The following GADL1 variants were observed in gnomAD, a reference collection of about 807,000 sequenced individuals.
GADL1 encodes the protein acidic amino acid decarboxylase GADL1.
In GADL1, 71 loss-of-function variants were observed where a neutral mutation model predicts 69.5. The observed-to-expected ratio is 1.02, with a 90% CI of 0.84 to 1.25. GADL1 has a LOEUF of 1.25. Ranked by LOEUF, GADL1 falls within the 50% of genes most tolerant of loss-of-function variation. The probability of loss-of-function intolerance (pLI) is 0.00; values close to 1 mark genes in which losing one functional copy is unlikely to be tolerated. For synonymous variants in GADL1, 254 were observed against 214.4 expected (o/e 1.18, Z -1.62); for missense variants, 737 against 631.8 (o/e 1.17, Z -1.79).
chr3:30,756,451 A>C (rs919353477), intron 14 of GADL1, among the ~76,000 whole-genome samples: 1 of 152,180 alleles, frequency 6.6e-6, no homozygotes, highest in Non-Finnish European at 1.5e-5. Flanking sequence ...GGTACCAATT[A>C]TCCTTCTACC....
At chr3:30,741,112 G>GTATATATATA (rs67611024) in intron 14 of GADL1, among the ~76,000 whole-genome samples, 22 of 113,928 alleles carry the variant, frequency 1.9e-4, no homozygotes, top group South Asian at 8.2e-4. Context: ...TGTATTCCTA[G>GTATATATATA]TATATATATA....
At chr3:30,815,937 G>A (rs6793030) in intron 11 of GADL1, among the ~76,000 whole-genome samples, 22,898 of 152,026 alleles carry the variant, frequency 0.15, 1,834 homozygotes, top group Middle Eastern at 0.21. Flanking sequence ...CTTCATGGCC[G>A]TGAGCATGTT....
chr3:30,767,360 T>C (rs1696306011), intron 14 of GADL1, among the ~76,000 whole-genome samples: 1 of 152,178 alleles, frequency 6.6e-6, no homozygotes, highest in Non-Finnish European at 1.5e-5. Flanking sequence ...ATTAGCAGAT[T>C]TGAGAACCTA....
intron 14 of GADL1, among the ~76,000 whole-genome samples, chr3:30,746,358 C>T (rs1169924540): frequency 6.6e-6 from 1 of 152,172 alleles, no homozygotes; most frequent in Admixed American, 6.5e-5. Flanking sequence ...CCTACTGAGC[C>T]TCCAGTCTCT....
At chr3:30,785,287 C>CA (rs1696763825) in intron 13 of GADL1, among the ~76,000 whole-genome samples, 3 of 152,160 alleles carry the variant, frequency 2.0e-5, no homozygotes, top group African/African-American at 7.2e-5. Context: ...GGGACCTTTT[C>CA]TGTTTTCTAT....
chr3:30,816,259 T>C (rs1315578613), intron 11 of GADL1, among the ~76,000 whole-genome samples: 3 of 152,102 alleles, frequency 2.0e-5, no homozygotes, highest in Non-Finnish European at 4.4e-5. Context: ...AGTTGAGGCT[T>C]GAGCCTCAAC....
At chr3:30,882,476 A>G (rs966241085) in intron 1 of GADL1, among the ~76,000 whole-genome samples, 2 of 151,934 alleles carry the variant, frequency 1.3e-5, no homozygotes, top group Non-Finnish European at 1.5e-5. Flanking sequence ...AATGTGATGA[A>G]GGTTTATCTA....
intron 1 of GADL1, among the ~76,000 whole-genome samples, chr3:30,865,822 C>A (rs11923643): frequency 6.6e-6 from 1 of 151,834 alleles, no homozygotes; most frequent in Admixed American, 6.6e-5. Context: ...TAGAAGTCAG[C>A]GCACGGACCA....
chr3:30,800,880 G>A lies in GADL1; in HGVS notation c.1250+9C>T, dbSNP rs1559503681. ...AGAGAGAGAGAGAGAGAGAGAGAGA[G>A]GCTAGTACCTAGATAAAGCAAGAGC... On this transcript the variant is annotated intron_variant, in intron 12 of 14. Transcript: ENST00000282538. 1.3e-6 allele frequency: 2 copies of A among 1,487,052 alleles called. No individual in the cohort carries two copies. The highest frequency in any genetic ancestry group is 3.4e-5 in the Admixed American group (2 of 58,200). 92.1% of individuals were successfully genotyped at this position (1,487,052 alleles called of 1,614,324 possible). A position where few individuals can be genotyped will look rare whatever the true frequency, so the allele number is the denominator to read the frequency against.
intron 1 of GADL1, among the ~76,000 whole-genome samples, chr3:30,887,972 T>G (rs886344644): frequency 7.2e-5 from 11 of 152,206 alleles, no homozygotes; most frequent in African/African-American, 2.7e-4. Context: ...TCAAGTCCCT[T>G]ACGTGAAAGG....
At chr3:30,893,806 C>A (rs372436090) in intron 1 of GADL1, among the ~76,000 whole-genome samples, 2 of 152,254 alleles carry the variant, frequency 1.3e-5, no homozygotes, top group East Asian at 3.9e-4. Flanking sequence ...ACCTGACCTA[C>A]CTGTTGAGCA....
intron 14 of GADL1, among the ~76,000 whole-genome samples, chr3:30,739,015 TC>T (rs1695578186): frequency 6.6e-6 from 1 of 152,300 alleles, no homozygotes; most frequent in Admixed American, 6.5e-5. Flanking sequence ...CCAACGAGGC[TC>T]TTCTGGGCAT....
intron 11 of GADL1, among the ~76,000 whole-genome samples, chr3:30,816,481 C>CCAGATCTG: frequency 6.8e-6 from 1 of 147,792 alleles, no homozygotes; most frequent in South Asian, 2.2e-4. Context: ...ATGTCATTGT[C>CCAGATCTG]CAGATCTGAC....
intron 1 of GADL1, among the ~76,000 whole-genome samples, chr3:30,878,617 C>A (rs1698606578): frequency 6.6e-6 from 1 of 151,860 alleles, no homozygotes; most frequent in African/African-American, 2.4e-5. Flanking sequence ...TCACAGGACA[C>A]TCCACTCAGA....
chr3:30,764,087 AT>A (rs1304730925), intron 14 of GADL1, among the ~76,000 whole-genome samples: 1 of 152,200 alleles, frequency 6.6e-6, no homozygotes, highest in African/African-American at 2.4e-5. Flanking sequence ...AAGTTTTAAC[AT>A]TCATAAAAAT....
intron 1 of GADL1, among the ~76,000 whole-genome samples, chr3:30,891,370 T>C (rs568401496): frequency 6.6e-6 from 1 of 152,180 alleles, no homozygotes; most frequent in Non-Finnish European, 1.5e-5. Flanking sequence ...ACTGACAGCT[T>C]TTCTCCCCAT....
chr3:30,809,898 TTG>T (rs1333171613), intron 11 of GADL1, among the ~76,000 whole-genome samples: 5 of 152,216 alleles, frequency 3.3e-5, no homozygotes, highest in African/African-American at 1.2e-4. Context: ...TACATATTTT[TTG>T]TCTTATTTCA....
At chr3:30,873,217 G>A (rs1698517757) in intron 1 of GADL1, among the ~76,000 whole-genome samples, 1 of 151,926 alleles carries the variant, frequency 6.6e-6, no homozygotes, top group African/African-American at 2.4e-5. Flanking sequence ...AATAATAATG[G>A]TTAACATTTA....
chr3:30,764,521 C>T (rs1028109651), intron 14 of GADL1, among the ~76,000 whole-genome samples: 1 of 152,112 alleles, frequency 6.6e-6, no homozygotes, highest in African/African-American at 2.4e-5. Context: ...TTTCGTACTA[C>T]TTGGTCCCTT....
Sources: gnomAD v4.1 joint callset for allele counts (sites outside exome capture counted in the v4.1 genomes callset) on GRCh38, gnomAD v4.1.1 for gene constraint, MANE v1.5 for transcripts, NCBI Gene and HGNC (gene_info 2026-07-23, HGNC 2026-07-21) for gene names.